Variants in PKIB observed in about 807,000 individuals in gnomAD.
PKIB encodes cAMP-dependent protein kinase inhibitor beta.
A neutral mutation model predicts 4.5 loss-of-function variants in PKIB; 2 were observed. The ratio of observed to expected loss-of-function variants is 0.44; its 90% CI spans 0.18 to 1.39. PKIB has a LOEUF of 1.39. Among genes scored for constraint, PKIB ranks in the 40% most tolerant of loss-of-function variants. The pLI, the probability that PKIB is intolerant of heterozygous loss-of-function variation, is 0.27. For synonymous variants in PKIB, 38 were observed against 36.0 expected, an observed-to-expected ratio of 1.06 and a Z score of -0.20; for missense variants, 94 against 92.6, an observed-to-expected ratio of 1.02 and a Z score of -0.06.
chr6:122,699,235 A>G (rs551752817), intron 3 of PKIB, among the ~76,000 whole-genome samples: 3 of 145,194 alleles, frequency 2.1e-5, no homozygotes, highest in Non-Finnish European at 4.5e-5. Flanking sequence ...ATGTACCCTA[A>G]AACTTAAAGT....
intron 2 of PKIB, among the ~76,000 whole-genome samples, chr6:122,516,790 G>A (rs1776768327): frequency 6.6e-6 from 1 of 152,152 alleles, no homozygotes; most frequent in South Asian, 2.1e-4. Flanking sequence ...GAGCATTCAA[G>A]GAATAAATTA....
At chr6:122,663,979 G>T (rs1777116861) in intron 2 of PKIB, among the ~76,000 whole-genome samples, 1 of 152,126 alleles carries the variant, frequency 6.6e-6, no homozygotes, top group Admixed American at 6.5e-5. Context: ...TAGAACATAT[G>T]TTCTTTGTAC....
At chr6:122,500,058 C>A (rs954279376) in intron 2 of PKIB, among the ~76,000 whole-genome samples, 36 of 151,998 alleles carry the variant, frequency 2.4e-4, no homozygotes, top group Admixed American at 6.5e-4. Flanking sequence ...ATGAGACAGA[C>A]AAATGGAAAA....
intron 3 of PKIB, among the ~76,000 whole-genome samples, chr6:122,697,476 A>G (rs1406012817): frequency 6.6e-6 from 1 of 151,842 alleles, no homozygotes; most frequent in Non-Finnish European, 1.5e-5. Flanking sequence ...AGAGAGGGCC[A>G]CATTTTGAGG....
At chr6:122,686,282 G>A (rs1240524208) in intron 3 of PKIB, among the ~76,000 whole-genome samples, 1 of 151,968 alleles carries the variant, frequency 6.6e-6, no homozygotes, top group African/African-American at 2.4e-5. Flanking sequence ...AGTATATGAG[G>A]GTTCCCTTTT....
At chr6:122,514,992 A>AT (rs1172392231) in intron 2 of PKIB, among the ~76,000 whole-genome samples, 7 of 152,216 alleles carry the variant, frequency 4.6e-5, no homozygotes, top group East Asian at 1.9e-4. Context: ...TTTGGGTGTG[A>AT]TTTTTTCTCT....
At chr6:122,635,660 T>C (rs1246593010) in intron 2 of PKIB, among the ~76,000 whole-genome samples, 2 of 152,054 alleles carry the variant, frequency 1.3e-5, no homozygotes, top group South Asian at 2.1e-4. Flanking sequence ...CACATGGTGT[T>C]TATTCTAGGA....
At chr6:122,529,820 T>C (rs891574028) in intron 2 of PKIB, among the ~76,000 whole-genome samples, 2 of 152,278 alleles carry the variant, frequency 1.3e-5, no homozygotes, top group South Asian at 4.1e-4. Flanking sequence ...TGGAAACTCC[T>C]TTATATGTGA....
rs530152866 is a variant in PKIB at position 122,476,333 on chromosome 6, G to T, written c.-336-1518G>T. Among the ~76,000 whole-genome samples, 7 of 152,264 alleles carry T rather than the reference G, an allele frequency of 4.6e-5. No homozygotes were observed. The East Asian group carries it at 1.4e-3, about 29-fold the overall frequency. Reference sequence around the variant, plus strand: ...GATTAGGACACAGTAACCCATAGGGGTCAGTATAAACTTAGAATTGGAAGA... The same window carrying T: ...GATTAGGACACAGTAACCCATAGGGTTCAGTATAAACTTAGAATTGGAAGA... On this transcript the variant is annotated intron_variant, in intron 1 of 6. Transcript: ENST00000392491.
intron 2 of PKIB, among the ~76,000 whole-genome samples, chr6:122,661,569 A>C (rs964561143): frequency 8.5e-5 from 13 of 152,198 alleles, no homozygotes; most frequent in Non-Finnish European, 1.5e-5. Context: ...GTAAGAATAT[A>C]CTACATTTTA....
chr6:122,573,768 A>G (rs1773444020), intron 2 of PKIB, among the ~76,000 whole-genome samples: 1 of 152,190 alleles, frequency 6.6e-6, no homozygotes, highest in Non-Finnish European at 1.5e-5. Context: ...GAAAGGATTT[A>G]CCTCAAAGTA....
At chr6:122,600,459 C>T (rs1221127829) in intron 3 of PKIB, among the ~76,000 whole-genome samples, 2 of 152,208 alleles carry the variant, frequency 1.3e-5, no homozygotes, top group Non-Finnish European at 2.9e-5. Context: ...CTTGAGGGAG[C>T]ATAGGGAACA....
chr6:122,577,900 C>T (rs572826664), intron 2 of PKIB, among the ~76,000 whole-genome samples: 12 of 147,250 alleles, frequency 8.1e-5, no homozygotes, highest in Non-Finnish European at 1.6e-4. Context: ...CAGAGCAAGA[C>T]TCCGTCTCAA....
At chr6:122,609,401 G>T (rs1190369059), upstream of PKIB, among the ~76,000 whole-genome samples, 1 of 152,192 alleles carries the variant, frequency 6.6e-6, no homozygotes, top group African/African-American at 2.4e-5. Flanking sequence ...TATGAATATT[G>T]AATAATTTAA....
chr6:122,564,086 T>G (rs1215301743), intron 2 of PKIB, among the ~76,000 whole-genome samples: 1 of 152,170 alleles, frequency 6.6e-6, no homozygotes, highest in East Asian at 1.9e-4. Context: ...GGTCGGAAAC[T>G]TCTCCCGCAA....
At chr6:122,576,525 G>A (rs976428560) in intron 2 of PKIB, among the ~76,000 whole-genome samples, 2 of 151,086 alleles carry the variant, frequency 1.3e-5, no homozygotes, top group African/African-American at 2.4e-5. Flanking sequence ...AAAATTAGCC[G>A]GGCGTGGTGG....
chr6:122,503,588 C>G (rs1562231489), intron 2 of PKIB, among the ~76,000 whole-genome samples: 1 of 152,022 alleles, frequency 6.6e-6, no homozygotes, highest in Non-Finnish European at 1.5e-5. Flanking sequence ...CTTCCATGAC[C>G]ACAAGCTTCC....
At chr6:122,682,981 C>T (rs964832159) in intron 3 of PKIB, among the ~76,000 whole-genome samples, 17 of 152,124 alleles carry the variant, frequency 1.1e-4, no homozygotes, top group African/African-American at 3.6e-4. Flanking sequence ...CAAGGGTCCC[C>T]GGTTGATTGG....
At chr6:122,685,777 A>G (rs1350472364) in intron 3 of PKIB, among the ~76,000 whole-genome samples, 1 of 152,136 alleles carries the variant, frequency 6.6e-6, no homozygotes, top group African/African-American at 2.4e-5. Context: ...CCCATTAACC[A>G]TCCTTTACTA....
Sources: allele counts gnomAD v4.1 joint callset (sites outside exome capture counted in the v4.1 genomes callset), GRCh38; gene constraint gnomAD v4.1.1; transcripts MANE v1.5; gene names NCBI Gene and HGNC (gene_info 2026-07-23, HGNC 2026-07-21).